Variants in FBP1 observed in about 807,000 individuals in gnomAD.
FBP1 encodes fructose-1,6-bisphosphatase 1.
Under a neutral mutation model 29.9 loss-of-function variants are expected in FBP1, and 22 were observed. The ratio of observed to expected loss-of-function variants is 0.74; its 90% CI spans 0.53 to 1.05. The LOEUF is 1.05. FBP1 is among the 50% of genes least tolerant of loss of function. The pLI is 0.00. For synonymous variants in FBP1, 175 were observed against 178.6 expected (o/e 0.98, Z 0.16); for missense variants, 345 against 448.2 (o/e 0.77, Z 2.08).
intron 3 of FBP1, among the ~76,000 whole-genome samples, chr9:94,616,572 A>G (rs1827866357): frequency 6.6e-6 from 1 of 151,392 alleles, no homozygotes; most frequent in Non-Finnish European, 1.5e-5. Flanking sequence ...TCCCGGGACT[A>G]CAGGCGCCCA....
intron 3 of FBP1, among the ~76,000 whole-genome samples, chr9:94,615,178 G>C (rs1827845577): frequency 6.6e-6 from 1 of 152,152 alleles, no homozygotes; most frequent in Non-Finnish European, 1.5e-5. Context: ...AAAGTGCTGG[G>C]ATTACCGGGG....
Position 94,620,440 on chromosome 9 carries a change from C to G in FBP1, c.222G>C (p.Leu74=). 1 of 1,614,168 alleles carries G rather than the reference C, an allele frequency of 6.2e-7. No individual in the cohort carries two copies. The highest frequency in any genetic ancestry group is 1.6e-4 in the Middle Eastern group (1 of 6,062). Residue 74 remains leucine (L), a synonymous_variant, in exon 2 of 7, where the codon CTG becomes CTC. Coordinates refer to ENST00000375326, the MANE Select transcript of FBP1 (RefSeq NM_000507.4). ...TNVTGDQVKK[L]DVLSNDLVMN... ...TAACCAGGTCGTTGGAGAGGACGTC[C>G]AGCTTCTTAACTTGATCACCTGTCA...
chr9:94,604,515 G>C (rs1046076743), intron 6 of FBP1, among the ~76,000 whole-genome samples: 2 of 151,758 alleles, frequency 1.3e-5, no homozygotes, highest in Non-Finnish European at 2.9e-5. Context: ...CACGCGTGGT[G>C]GCTCATGCCT....
At position 94,605,581 on chromosome 9, in the gene FBP1, AAG is replaced by A; in HGVS notation, c.706-7_706-6del. 1 of 1,613,878 alleles carries A rather than the reference AAG, an allele frequency of 6.2e-7. No homozygotes were observed. The highest frequency in any genetic ancestry group is 2.2e-5 in the East Asian group (1 of 44,864). On this transcript the variant is annotated splice_polypyrimidine_tract_variant and splice_region_variant and intron_variant, in intron 5 of 6. Coordinates refer to ENST00000375326, the MANE Select transcript of FBP1 (RefSeq NM_000507.4). Reference sequence around the variant, plus strand: ...CCCATAAGGAGCTGAATTATCCTGCAAGTTAAGACCAGCAAGAATTAGGATTG... The same window carrying A: ...CCCATAAGGAGCTGAATTATCCTGCATTAAGACCAGCAAGAATTAGGATTG...
chr9:94,609,589 C>T lies in FBP1; in HGVS notation c.567+332G>A, dbSNP rs900010196. Among the ~76,000 whole-genome samples, 4 of 152,186 alleles carry T rather than the reference C, an allele frequency of 2.6e-5. 1 individual carries two copies. Among genetic ancestry groups the T allele is most frequent in the African/African-American group, 2.4e-5 (1 of 41,440 alleles). ...TCACCCCAGTTCCACCCTTGCCCCC[C>T]GGCCTTCCTTCCCCAGCACACTTCA... On this transcript the variant is annotated intron_variant, in intron 4 of 6. Coordinates refer to ENST00000375326, the MANE Select transcript of FBP1 (RefSeq NM_000507.4).
At chr9:94,628,549 C>A (rs546883340) in intron 1 of FBP1, among the ~76,000 whole-genome samples, 17 of 152,298 alleles carry the variant, frequency 1.1e-4, no homozygotes, top group Admixed American at 1.0e-3. Context: ...AGGGCACCTG[C>A]TGAGGCCAGA....
chr9:94,612,549 A>ATTTTTT (rs561246840), intron 3 of FBP1, among the ~76,000 whole-genome samples: 6 of 108,028 alleles, frequency 5.6e-5, no homozygotes, highest in Non-Finnish European at 9.2e-5. Context: ...CCAGCCCCCA[A>ATTTTTT]TTTTTTTTTT....
intron 5 of FBP1, 132 bp from the exon 6 acceptor site, chr9:94,605,708 A>T: frequency 1.2e-6 from 1 of 849,546 alleles, no homozygotes; most frequent in South Asian, 1.5e-5. Flanking sequence ...GGGCTGTGCT[A>T]AAAAATGTGA....
intron 4 of FBP1, among the ~76,000 whole-genome samples, chr9:94,607,522 C>T (rs980873051): frequency 6.6e-6 from 1 of 152,178 alleles, no homozygotes; most frequent in East Asian, 1.9e-4. Flanking sequence ...ACGTAACTTC[C>T]GATGGCCTTT....
At chr9:94,603,963 A>C in intron 6 of FBP1, 1 of 322,850 alleles carries the variant, frequency 3.1e-6, no homozygotes, top group Non-Finnish European at 6.1e-6. Context: ...AAGCAATAAA[A>C]AAAATCCATG....
At position 94,621,213 on chromosome 9, in the gene FBP1, CAAAAA is replaced by C. The variant is rs57221045; in HGVS notation, c.171-727_171-723del. Among the ~76,000 whole-genome samples, 266 of 43,972 alleles carry C rather than the reference CAAAAA, an allele frequency of 6.0e-3. 1 individual carries two copies. Among genetic ancestry groups the C allele is most frequent in the African/African-American group, 0.022 (236 of 10,642 alleles). The allele number at this position is 43,972 out of a possible 152,430, so 28.8% of individuals were successfully genotyped here. ...TGGGCGACAGAGCGAGACTCCGTCT[CAAAAA>C]AAAAAAAAAAAAAAAAAAATACAAA... is the stretch of plus-strand genomic sequence containing the variant. On this transcript the variant is annotated intron_variant, in intron 1 of 6. Coordinates refer to ENST00000375326, the MANE Select transcript of FBP1 (RefSeq NM_000507.4).
chr9:94,606,709 C>G, intron 5 of FBP1, 106 bp downstream of exon 5: 2 of 1,190,228 alleles, frequency 1.7e-6, no homozygotes, highest in South Asian at 1.3e-5. Flanking sequence ...CCAAGGCCCT[C>G]GATCCCAAGG....
Position 94,609,776 on chromosome 9 carries a change from G to A in FBP1, c.567+145C>T, listed in dbSNP as rs568582108. 52 of 918,766 alleles carry A rather than the reference G, an allele frequency of 5.7e-5. No individual in the cohort carries two copies. In the South Asian group the frequency reaches 7.3e-4, roughly 13 times the overall value. 56.9% of individuals were successfully genotyped at this position (918,766 alleles called of 1,614,324 possible). A position where few individuals can be genotyped will look rare whatever the true frequency, so the allele number is the denominator to read the frequency against. On this transcript the variant is annotated intron_variant, in intron 4 of 6. Coordinates refer to ENST00000375326, the MANE Select transcript of FBP1 (RefSeq NM_000507.4). ...GGCATACACTCTCTCTTGGTCTCCT[G>A]CCCCCTTTCCACCACACATCATCAT... is the stretch of plus-strand genomic sequence containing the variant.
chr9:94,632,513 CA>C (rs1290297103), intron 1 of FBP1, among the ~76,000 whole-genome samples: 5 of 152,128 alleles, frequency 3.3e-5, no homozygotes, highest in African/African-American at 1.2e-4. Context: ...ACTAAAAATA[CA>C]AAAATTAGTT....
chr9:94,609,893 GC>G, intron 4 of FBP1, 27 bp downstream of exon 4: 1 of 1,612,976 alleles, frequency 6.2e-7, no homozygotes, highest in Non-Finnish European at 8.5e-7. Flanking sequence ...CACCAGCCAA[GC>G]CCCCAGCCTC....
chr9:94,621,398 A>AAAAAAAATATAT (rs58726402), intron 1 of FBP1, among the ~76,000 whole-genome samples: 16 of 146,156 alleles, frequency 1.1e-4, no homozygotes, highest in African/African-American at 4.0e-4. Context: ...TCCGTCTAAA[A>AAAAAAAATATAT]ATATATATAT....
chr9:94,617,968 G>T (rs1827888139), intron 2 of FBP1, 108 bp from the exon 3 acceptor site: 3 of 839,474 alleles, frequency 3.6e-6, no homozygotes, highest in African/African-American at 1.7e-5. Flanking sequence ...TTCAAAAAAT[G>T]TGGGTCTTAT....
chr9:94,609,432 G>C (rs28369734), intron 4 of FBP1, among the ~76,000 whole-genome samples: 1 of 152,160 alleles, frequency 6.6e-6, no homozygotes, highest in Non-Finnish European at 1.5e-5. Flanking sequence ...ATGCATTTTA[G>C]TTGGCCAACA....
rs1380418384 is a variant in FBP1, at chr9:94,609,975, G to A, written c.513C>T (p.Ala171=). 2 of 1,614,152 alleles carry A rather than the reference G, an allele frequency of 1.2e-6. No homozygotes were observed. The highest frequency in any genetic ancestry group is 8.5e-7 in the Non-Finnish European group (1 of 1,179,982). The change falls in exon 4 of 7, where the codon GCC becomes GCT. Residue 171 remains alanine, a synonymous_variant. Transcript: ENST00000375326. ...VAAGYALYGS[A]TMLVLAMDCG... ...AGTCCATGGCAAGGACCAGCATGGT[G>A]GCACTGCCATACAGTGCGTAGCCGG...
Sources: gnomAD v4.1 joint callset for allele counts (sites outside exome capture counted in the v4.1 genomes callset) on GRCh38, gnomAD v4.1.1 for gene constraint, MANE v1.5 for transcripts, NCBI Gene and HGNC (gene_info 2026-07-23, HGNC 2026-07-21) for gene names.